Variants in CNTN6 observed in about 807,000 individuals in gnomAD.
CNTN6 encodes the protein contactin-6.
In CNTN6, 137 loss-of-function variants were observed where a neutral mutation model predicts 122.8. The ratio of observed to expected loss-of-function variants is 1.12; its 90% CI spans 0.97 to 1.29. The LOEUF (loss-of-function observed/expected upper bound fraction) is 1.29. CNTN6 is among the 50% of genes most tolerant of loss of function. The pLI is 0.00. For synonymous variants in CNTN6, 570 were observed against 426.0 expected (o/e 1.34, Z -4.16); for missense variants, 1,634 against 1,223.4 (o/e 1.34, Z -5.01).
At chr3:1,118,540 C>T (rs979629172) in intron 1 of CNTN6, among the ~76,000 whole-genome samples, 1 of 152,152 alleles carries the variant, frequency 6.6e-6, no homozygotes, top group Non-Finnish European at 1.5e-5. Flanking sequence ...GTTTTTTCAA[C>T]TATCATTCAT....
At chr3:1,312,806 C>T (rs1200391691) in intron 7 of CNTN6, among the ~76,000 whole-genome samples, 4 of 145,726 alleles carry the variant, frequency 2.7e-5, no homozygotes, top group African/African-American at 1.1e-4. Flanking sequence ...GACTTTGGTT[C>T]AAATCCTTTT....
intron 2 of CNTN6, among the ~76,000 whole-genome samples, chr3:1,219,647 G>A (rs892197108): frequency 5.9e-5 from 9 of 152,104 alleles, no homozygotes; most frequent in South Asian, 2.1e-4. Flanking sequence ...ACTGCCTTGT[G>A]ATCTAAGGTG....
At chr3:1,333,517 A>G (rs773693004) in intron 11 of CNTN6, among the ~76,000 whole-genome samples, 19 of 152,132 alleles carry the variant, frequency 1.2e-4, no homozygotes, top group Non-Finnish European at 2.4e-4. Flanking sequence ...AAATTTTACA[A>G]TGATTCCAAG....
At chr3:1,186,716 A>C (rs538186956) in intron 2 of CNTN6, among the ~76,000 whole-genome samples, 2 of 152,240 alleles carry the variant, frequency 1.3e-5, no homozygotes, top group East Asian at 3.9e-4. Flanking sequence ...AGCTGGCTGG[A>C]GACCTTTTAC....
chr3:1,098,236 A>G (rs1043043317), intron 1 of CNTN6, among the ~76,000 whole-genome samples: 1 of 149,204 alleles, frequency 6.7e-6, no homozygotes, highest in African/African-American at 2.6e-5. Flanking sequence ...AAAGTATAAT[A>G]ATACTAATAA....
At chr3:1,110,856 G>A (rs772239967) in intron 1 of CNTN6, among the ~76,000 whole-genome samples, 3 of 152,154 alleles carry the variant, frequency 2.0e-5, no homozygotes, top group Non-Finnish European at 4.4e-5. Flanking sequence ...CTCTTAGTCC[G>A]ATGACAGAAT....
chr3:1,385,787 C>A lies in CNTN6; in HGVS notation c.2694C>A (p.Thr898=). The A allele has an allele frequency of 1.9e-6, 3 of 1,608,154 alleles. No individual in the cohort carries two copies. The highest frequency in any genetic ancestry group is 2.5e-6 in the Non-Finnish European group (3 of 1,177,902). The change falls in exon 20 of 23, where the codon ACC becomes ACA. Residue 898 remains threonine, a synonymous_variant. Coordinates refer to ENST00000446702, the MANE Select transcript of CNTN6 (RefSeq NM_001289080.2). ...CAAGCCCCCCAGTCAATGTTACCAC[C>A]AAAAAGTCTCGTAAGTATGCATACA... is the stretch of plus-strand genomic sequence containing the variant. ...GPSSPPVNVT[T]KKSPPSQPPA...
chr3:1,129,549 C>A (rs1006622907), intron 1 of CNTN6, among the ~76,000 whole-genome samples: 1 of 151,936 alleles, frequency 6.6e-6, no homozygotes, highest in Non-Finnish European at 1.5e-5. Context: ...TGCATTTTTT[C>A]GTAAAATGTG....
chr3:1,244,574 G>A (rs1035750122), intron 4 of CNTN6, among the ~76,000 whole-genome samples: 2 of 152,164 alleles, frequency 1.3e-5, no homozygotes, highest in African/African-American at 4.8e-5. Context: ...GAGGACGGGG[G>A]ATTGATCTCC....
At position 1,372,315 on chromosome 3, in the gene CNTN6, C is replaced by G. The variant is rs992974545; in HGVS notation, c.1509C>G (p.Thr503=). Residue 503 remains threonine (T), a synonymous_variant, in exon 13 of 23, where the codon ACC becomes ACG. Coordinates refer to ENST00000446702, the MANE Select transcript of CNTN6 (RefSeq NM_001289080.2). ...SLIVKERTVI[T]VPPSKMDVTV... is the part of the protein sequence containing the mutation. ...TCTCAACAGAGAGAACTGTCATTAC[C>G]GTCCCACCTTCCAAAATGGATGTTA... 1.2e-6 allele frequency: 2 copies of G among 1,608,304 alleles called. No homozygotes were observed. Among genetic ancestry groups the G allele is most frequent in the Non-Finnish European group, 1.7e-6 (2 of 1,177,754 alleles).
chr3:1,241,730 AT>A (rs1244968370), intron 4 of CNTN6, among the ~76,000 whole-genome samples: 7 of 152,160 alleles, frequency 4.6e-5, no homozygotes, highest in African/African-American at 1.7e-4. Context: ...AACACTCCTC[AT>A]TTAAGAATAT....
chr3:1,358,357 A>G (rs1706922447), intron 12 of CNTN6, among the ~76,000 whole-genome samples: 1 of 151,836 alleles, frequency 6.6e-6, no homozygotes, highest in African/African-American at 2.4e-5. Context: ...TAGTAAATTT[A>G]CCTTGACTCT....
At chr3:1,118,244 A>G (rs569678738) in intron 1 of CNTN6, among the ~76,000 whole-genome samples, 2 of 152,292 alleles carry the variant, frequency 1.3e-5, no homozygotes, top group East Asian at 1.9e-4. Flanking sequence ...AGTTCAATCC[A>G]CAGGACTCGG....
At position 1,372,376 on chromosome 3, in the gene CNTN6, T is replaced by A. The variant is rs1269713209; in HGVS notation, c.1570T>A (p.Ser524Thr). ...GAGTATAGTGCTACCATGCCAGGTGTCCCATGACCCCTCCATTGAAGTGGT... is the reference window on the plus strand; with the variant it reads ...GAGTATAGTGCTACCATGCCAGGTGACCCATGACCCCTCCATTGAAGTGGT... ...GESIVLPCQV[S>T]HDPSIEVVFV... is the part of the protein sequence containing the mutation. Residue 524 changes from serine to threonine, a missense_variant, in exon 13 of 23, where the codon TCC (serine) becomes ACC (threonine). Transcript: ENST00000446702. 3.7e-6 allele frequency: 6 copies of A among 1,613,424 alleles called. No individual in the cohort carries two copies. The Admixed American group carries it at 5.0e-5, about 13-fold the overall frequency.
chr3:1,260,321 G>A (rs1047551638), intron 4 of CNTN6, among the ~76,000 whole-genome samples: 5 of 152,070 alleles, frequency 3.3e-5, no homozygotes, highest in African/African-American at 1.2e-4. Flanking sequence ...AAAACATCCA[G>A]AGGCTCCATC....
In CNTN6 at chr3:1,382,986, C is replaced by T. The variant is rs1373065419; in HGVS notation, c.2211C>T (p.Ile737=). The change falls in exon 18 of 23, where the codon ATC becomes ATT. Residue 737 remains isoleucine (I), a synonymous_variant. Coordinates refer to ENST00000446702, the MANE Select transcript of CNTN6 (RefSeq NM_001289080.2). ...ELQNGEGFGY[I]IMFRPVGSTT... is the part of the protein sequence containing the mutation. ...AGAATGGGGAGGGATTTGGATATAT[C>T]ATCATGTTCCGGCCAGTGGGCTCGA... 1 of 1,613,928 alleles carries T rather than the reference C, an allele frequency of 6.2e-7. No homozygotes were observed. The highest frequency in any genetic ancestry group is 8.5e-7 in the Non-Finnish European group (1 of 1,179,946).
At chr3:1,355,078 A>G (rs746223259) in intron 12 of CNTN6, among the ~76,000 whole-genome samples, 52 of 151,642 alleles carry the variant, frequency 3.4e-4, no homozygotes, top group Non-Finnish European at 6.4e-4. Context: ...AGTTACTTTC[A>G]TGCATTTACA....
chr3:1,142,968 G>GTGTGTATATA (rs1217250181), intron 1 of CNTN6, among the ~76,000 whole-genome samples: 6 of 128,646 alleles, frequency 4.7e-5, no homozygotes, highest in African/African-American at 1.9e-4. Flanking sequence ...GTGTGTGTGT[G>GTGTGTATATA]TATATATATA....
intron 2 of CNTN6, among the ~76,000 whole-genome samples, chr3:1,157,229 A>ATTTAATTTT (rs1553609971): frequency 2.3e-3 from 327 of 143,534 alleles, no homozygotes; most frequent in East Asian, 5.9e-3. Context: ...TAATTTATTT[A>ATTTAATTTT]TTTATTTATG....
Sources: allele counts gnomAD v4.1 joint callset (sites outside exome capture counted in the v4.1 genomes callset), GRCh38; gene constraint gnomAD v4.1.1; transcripts MANE v1.5; gene names NCBI Gene and HGNC (gene_info 2026-07-23, HGNC 2026-07-21).